TENM3: variants seen among roughly 807,000 people sequenced by gnomAD.
TENM3 encodes the protein teneurin transmembrane protein 3.
A neutral mutation model predicts 255.1 loss-of-function variants in TENM3; 63 were observed. The observed-to-expected ratio is 0.25, with a 90% CI of 0.20 to 0.30. TENM3 has a LOEUF of 0.30. Among genes scored for constraint, TENM3 ranks in the 10% least tolerant of loss-of-function variants. The pLI is 1.00. For missense variants in TENM3, 2,929 were observed against 3,461.1 expected, an observed-to-expected ratio of 0.85 and a Z score of 3.86; for synonymous variants, 1,306 against 1,322.3, an observed-to-expected ratio of 0.99 and a Z score of 0.27.
the TENM3 span, among the ~76,000 whole-genome samples, chr4:181,983,088 A>G: frequency 1.3e-5 from 2 of 152,286 alleles, no homozygotes; most frequent in East Asian, 3.9e-4. Flanking sequence ...ACTGTTTAAT[A>G]AAGAAAAGAA....
At chr4:181,573,216 T>C in the TENM3 span, among the ~76,000 whole-genome samples, 166 of 152,274 alleles carry the variant, frequency 1.1e-3, 1 homozygote, top group African/African-American at 3.8e-3. Flanking sequence ...AGGGCACATA[T>C]CTCTTGATCT....
chr4:182,054,584 T>C, the TENM3 span, among the ~76,000 whole-genome samples: 2 of 152,110 alleles, frequency 1.3e-5, no homozygotes, highest in African/African-American at 2.4e-5. Flanking sequence ...CATTTAAAAA[T>C]AACTAAAAGA....
chr4:182,131,651 G>A, the TENM3 span, among the ~76,000 whole-genome samples: 1 of 152,136 alleles, frequency 6.6e-6, no homozygotes, highest in East Asian at 1.9e-4. Context: ...AGTATGAAAG[G>A]AAACCATTCA....
At chr4:182,433,527 C>A (rs2151205629) in intron 3 of TENM3, among the ~76,000 whole-genome samples, 1 of 152,162 alleles carries the variant, frequency 6.6e-6, no homozygotes, top group East Asian at 1.9e-4. Context: ...GGCAGCTAAG[C>A]AAAGGAAGTG....
At chr4:182,536,334 C>T (rs1407717682) in intron 3 of TENM3, among the ~76,000 whole-genome samples, 1 of 152,174 alleles carries the variant, frequency 6.6e-6, no homozygotes, top group Non-Finnish European at 1.5e-5. Context: ...ATCAGTGTGG[C>T]CATGTTCTAG....
At chr4:182,266,287 T>C (rs188357804) in intron 1 of TENM3, among the ~76,000 whole-genome samples, 65 of 152,358 alleles carry the variant, frequency 4.3e-4, no homozygotes, top group African/African-American at 1.6e-3. Flanking sequence ...GTGTTTTTGG[T>C]AGAAGATTGT....
At chr4:181,534,537 C>T in the TENM3 span, among the ~76,000 whole-genome samples, 1 of 151,992 alleles carries the variant, frequency 6.6e-6, no homozygotes, top group South Asian at 2.1e-4. Flanking sequence ...CCTGAATGTG[C>T]TTTCCTGTGA....
intron 1 of TENM3, among the ~76,000 whole-genome samples, chr4:182,164,846 T>C (rs1478490122): frequency 6.6e-6 from 1 of 152,212 alleles, no homozygotes; most frequent in East Asian, 1.9e-4. Context: ...GGTTCTTTTT[T>C]CCCTCAAGGA....
At chr4:181,756,779 T>G in the TENM3 span, among the ~76,000 whole-genome samples, 1 of 152,204 alleles carries the variant, frequency 6.6e-6, no homozygotes, top group South Asian at 2.1e-4. Flanking sequence ...CAGGTTATTC[T>G]CCTGTCTAGG....
At chr4:182,174,848 G>A (rs1752355730) in intron 1 of TENM3, among the ~76,000 whole-genome samples, 1 of 152,020 alleles carries the variant, frequency 6.6e-6, no homozygotes, top group Non-Finnish European at 1.5e-5. Context: ...TGTCTAAAGG[G>A]AAGGGAAAAA....
chr4:182,081,686 G>A, the TENM3 span: 1 of 151,940 alleles, frequency 6.6e-6, no homozygotes, highest in East Asian at 1.9e-4. Context: ...ATGGGAAACT[G>A]TTAGAGAAAA....
chr4:181,610,559 T>G, the TENM3 span, among the ~76,000 whole-genome samples: 2 of 152,166 alleles, frequency 1.3e-5, no homozygotes, highest in African/African-American at 4.8e-5. Flanking sequence ...TTTATCCCAC[T>G]GAAGTACAGA....
chr4:182,340,129 T>C (rs1352271342), intron 2 of TENM3, among the ~76,000 whole-genome samples: 2 of 152,174 alleles, frequency 1.3e-5, no homozygotes, highest in East Asian at 1.9e-4. Context: ...AATTTTATCT[T>C]GAAGAAAATG....
intron 12 of TENM3, among the ~76,000 whole-genome samples, chr4:182,712,947 G>A (rs989261178): frequency 6.6e-6 from 1 of 152,178 alleles, no homozygotes; most frequent in Non-Finnish European, 1.5e-5. Context: ...GCTTCTGTCA[G>A]TGTCATATCA....
At chr4:182,554,830 C>T (rs914593267) in intron 3 of TENM3, among the ~76,000 whole-genome samples, 1 of 151,524 alleles carries the variant, frequency 6.6e-6, no homozygotes, top group African/African-American at 2.4e-5. Flanking sequence ...TTTGTCTTTT[C>T]GCAGCTTTAA....
rs556047295 is a variant in TENM3, at chr4:182,458,752, T to C, written c.511+111823T>C. On this transcript the variant is annotated intron_variant, in intron 3 of 27. Coordinates refer to ENST00000511685, the MANE Select transcript of TENM3 (RefSeq NM_001080477.4). ...CTTTCTTTGTGTATGTATTTGTACT[T>C]TTTGTGGTATTTTGGTGAATGCAGC... Among the ~76,000 whole-genome samples the C allele has an allele frequency of 2.4e-4, 36 of 152,202 alleles. 1 individual carries two copies. Among genetic ancestry groups the C allele is most frequent in the Non-Finnish European group, 4.4e-4 (30 of 68,034 alleles).
chr4:182,730,438 T>A, intron 15 of TENM3, 119 bp downstream of exon 15: 1 of 1,127,922 alleles, frequency 8.9e-7, no homozygotes, highest in East Asian at 2.5e-5. Flanking sequence ...CTTTTTAGAC[T>A]CTACAAACTT....
intron 3 of TENM3, among the ~76,000 whole-genome samples, chr4:182,436,550 G>C (rs986339023): frequency 5.9e-5 from 9 of 152,192 alleles, no homozygotes; most frequent in African/African-American, 1.9e-4. Context: ...TTGTTGATAA[G>C]ACACCGAATC....
the TENM3 span, among the ~76,000 whole-genome samples, chr4:181,701,832 C>G: frequency 6.6e-6 from 1 of 152,088 alleles, no homozygotes; most frequent in Non-Finnish European, 1.5e-5. Context: ...TTTTCTTTTC[C>G]TTATCAGGAC....
Sources: allele counts gnomAD v4.1 joint callset (sites outside exome capture counted in the v4.1 genomes callset), GRCh38; gene constraint gnomAD v4.1.1; transcripts MANE v1.5; gene names NCBI Gene and HGNC (gene_info 2026-07-23, HGNC 2026-07-21).